DHX57: variants seen among roughly 807,000 people sequenced by gnomAD.
The protein encoded by DHX57 is DExH-box helicase 57.
Under a neutral mutation model 156.2 loss-of-function variants are expected in DHX57, and 105 were observed. The ratio of observed to expected loss-of-function variants is 0.67; its 90% CI spans 0.57 to 0.79. DHX57 has a LOEUF of 0.79. Among genes scored for constraint, DHX57 ranks in the 30% least tolerant of loss-of-function variants. DHX57 has a pLI of 0.00. For missense variants in DHX57, 1,847 were observed against 1,661.9 expected, an observed-to-expected ratio of 1.11 and a Z score of -1.94; for synonymous variants, 704 against 595.6, an observed-to-expected ratio of 1.18 and a Z score of -2.65.
At chr2:38,808,208 C>A (rs1670059628) in intron 21 of DHX57, among the ~76,000 whole-genome samples, 1 of 151,854 alleles carries the variant, frequency 6.6e-6, no homozygotes, top group Admixed American at 6.6e-5. Flanking sequence ...CCACCTCAGC[C>A]TCCCAAAGTG....
chr2:38,812,044 C>T (rs1287010578), intron 21 of DHX57, among the ~76,000 whole-genome samples: 1 of 152,136 alleles, frequency 6.6e-6, no homozygotes, highest in African/African-American at 2.4e-5. Context: ...TAGGCATGAG[C>T]CAATGCTCCT....
intron 9 of DHX57, among the ~76,000 whole-genome samples, 170 bp from the exon 10 acceptor site, chr2:38,848,572 C>G (rs566989487): frequency 6.6e-6 from 1 of 151,310 alleles, no homozygotes; most frequent in African/African-American, 2.4e-5. Context: ...CTTACTATTA[C>G]AGGTTGAATA....
chr2:38,843,233 G>T, intron 11 of DHX57, 23 bp from the exon 12 acceptor site: 1 of 1,611,550 alleles, frequency 6.2e-7, no homozygotes, highest in South Asian at 1.1e-5. Flanking sequence ...AAGGAATGTG[G>T]TTGTGTGTAT....
chr2:38,856,489 T>C, intron 6 of DHX57, 28 bp from the exon 7 acceptor site: 4 of 1,565,310 alleles, frequency 2.6e-6, no homozygotes, highest in Non-Finnish European at 3.4e-6. Flanking sequence ...AAGATATCAG[T>C]TGGGTTACTT....
chr2:38,820,262 G>A (rs1200810613), intron 17 of DHX57, among the ~76,000 whole-genome samples: 1 of 152,066 alleles, frequency 6.6e-6, no homozygotes, highest in Non-Finnish European at 1.5e-5. Flanking sequence ...TGTTTACAGA[G>A]TCCAGCAAAG....
intron 22 of DHX57, among the ~76,000 whole-genome samples, chr2:38,803,431 C>A (rs1443648933): frequency 6.6e-6 from 1 of 152,126 alleles, no homozygotes; most frequent in Non-Finnish European, 1.5e-5. Flanking sequence ...GTCTAGTCAG[C>A]TCTCTTTTCA....
At chr2:38,848,429 G>A (rs767487804) in intron 9 of DHX57, 27 bp from the exon 10 acceptor site, 4 of 1,556,412 alleles carry the variant, frequency 2.6e-6, no homozygotes, top group Middle Eastern at 1.7e-4. Flanking sequence ...AAACACCTGA[G>A]GATCAAACAA....
chr2:38,813,714 C>G, intron 21 of DHX57, 107 bp downstream of exon 21: 2 of 1,309,750 alleles, frequency 1.5e-6, no homozygotes, highest in Non-Finnish European at 1.1e-6. Flanking sequence ...TGTGTGCACA[C>G]ATGCGTATAT....
rs376074507 is a variant in DHX57, at chr2:38,858,640, C to A, written c.1587+21G>T. ...CAGATATTAGGGAGGCAACGTTACTCATTCTCTCAGCATACCCTACCTGTT... is the reference window on the plus strand; with the variant it reads ...CAGATATTAGGGAGGCAACGTTACTAATTCTCTCAGCATACCCTACCTGTT... On this transcript the variant is annotated intron_variant, in intron 6 of 23. Transcript: ENST00000457308. 9 of 1,596,900 alleles carry A rather than the reference C, an allele frequency of 5.6e-6. No homozygotes were observed. The South Asian group carries it at 1.0e-4, about 18-fold the overall frequency.
Position 38,861,385 on chromosome 2 carries a change from T to C in DHX57, c.1025A>G (p.His342Arg), listed in dbSNP as rs1037135080. 7 of 1,613,946 alleles carry C rather than the reference T, an allele frequency of 4.3e-6. No homozygotes were observed. The highest frequency in any genetic ancestry group is 5.9e-6 in the Non-Finnish European group (7 of 1,179,958). The change falls in exon 5 of 24, where the codon CAT becomes CGT. Residue 342 changes from histidine to arginine, a missense_variant. His to Arg is a conservative substitution (Grantham distance 29). Coordinates refer to ENST00000457308, the MANE Select transcript of DHX57 (RefSeq NM_198963.3). The part of the protein sequence containing the change: ...GRIERSVDDS[H>R]LNAIEDASFL... ...AGATGCATCTTCAATAGCATTAAGA[T>C]GAGAATCATCTACACTTCTTTCTAT...
At chr2:38,801,720 G>T (rs1035558812) in intron 23 of DHX57, among the ~76,000 whole-genome samples, 4 of 152,100 alleles carry the variant, frequency 2.6e-5, no homozygotes, top group Admixed American at 6.6e-5. Context: ...TCAGCATCCT[G>T]AATAGCTGGG....
chr2:38,818,569 T>A (rs1475158248), intron 19 of DHX57, among the ~76,000 whole-genome samples: 2 of 151,820 alleles, frequency 1.3e-5, no homozygotes, highest in African/African-American at 4.8e-5. Context: ...TGAAAAAGAA[T>A]CCCTGGTGTA....
chr2:38,863,588 T>C lies in DHX57; in HGVS notation c.225-69A>G, dbSNP rs528902334. 4.8e-6 allele frequency: 7 copies of C among 1,449,998 alleles called. No homozygotes were observed. In the East Asian group the frequency reaches 1.4e-4, roughly 28 times the overall value. The allele number at this position is 1,449,998 out of a possible 1,614,324, so 89.8% of individuals were successfully genotyped here. A position where few individuals can be genotyped will look rare whatever the true frequency, so the allele number is the denominator to read the frequency against. ...AGAACTTTTACACTCTCCTCAGGGG[T>C]CCCCAGATATACACAATACAAACTG... On this transcript the variant is annotated intron_variant, in intron 2 of 23. Coordinates refer to ENST00000457308, the MANE Select transcript of DHX57 (RefSeq NM_198963.3).
intron 14 of DHX57, among the ~76,000 whole-genome samples, chr2:38,827,950 G>T (rs376399719): frequency 1.4e-4 from 22 of 152,162 alleles, no homozygotes; most frequent in South Asian, 1.0e-3. Flanking sequence ...TCTGCCTCCC[G>T]GGTTCAAGCT....
At chr2:38,835,990 T>C (rs1411866956) in intron 13 of DHX57, among the ~76,000 whole-genome samples, 1 of 152,154 alleles carries the variant, frequency 6.6e-6, no homozygotes, top group African/African-American at 2.4e-5. Context: ...TTGATGGAGA[T>C]GAGTGCTTCT....
At chr2:38,821,410 A>G (rs1670809036) in intron 17 of DHX57, among the ~76,000 whole-genome samples, 1 of 152,046 alleles carries the variant, frequency 6.6e-6, no homozygotes, top group Admixed American at 6.6e-5. Flanking sequence ...AAAATTAATA[A>G]AACTGCCAGG....
chr2:38,800,207 A>G (rs1004416936), intron 23 of DHX57, among the ~76,000 whole-genome samples: 1 of 133,864 alleles, frequency 7.5e-6, no homozygotes, highest in Non-Finnish European at 1.6e-5. Context: ...AAAAAAAAAT[A>G]GCCGGGCTTG....
In DHX57 at chr2:38,863,632, A is replaced by G. The variant is rs559505804; in HGVS notation, c.225-113T>C. 72 of 955,136 alleles carry G rather than the reference A, an allele frequency of 7.5e-5. No homozygotes were observed. In the African/African-American group the frequency reaches 9.2e-4, roughly 12 times the overall value. The allele number at this position is 955,136 out of a possible 1,614,324, so 59.2% of individuals were successfully genotyped here. A position where few individuals can be genotyped will look rare whatever the true frequency, so the allele number is the denominator to read the frequency against. On this transcript the variant is annotated intron_variant, in intron 2 of 23. Transcript: ENST00000457308. ...CAAACTGGATTGTCAAGTATCTTACAAAAGATGACAATGAATGTGAGGAGA... is the reference window on the plus strand; with the variant it reads ...CAAACTGGATTGTCAAGTATCTTACGAAAGATGACAATGAATGTGAGGAGA...
At position 38,861,213 on chromosome 2, in the gene DHX57, T is replaced by TGACTTTATGACAA. The variant is rs1558402156; in HGVS notation, c.1196_1197insTTGTCATAAAGTC (p.Phe400CysfsTer38). 1 of 1,614,122 alleles carries TGACTTTATGACAA rather than the reference T, an allele frequency of 6.2e-7. No homozygotes were observed. Among genetic ancestry groups the TGACTTTATGACAA allele is most frequent in the Admixed American group, 1.7e-5 (1 of 60,022 alleles). ...CGACAGGTTCCGAAGTTTCCGCAAA[T>TGACTTTATGACAA]GTCAAGGCCTTGTCATAAAGAAACT... On this transcript the variant is annotated frameshift_variant, in exon 5 of 24. Coordinates refer to ENST00000457308, the MANE Select transcript of DHX57 (RefSeq NM_198963.3). LOFTEE classifies it high-confidence loss of function.
Sources: allele counts gnomAD v4.1 joint callset (sites outside exome capture counted in the v4.1 genomes callset), GRCh38; gene constraint gnomAD v4.1.1; transcripts MANE v1.5; gene names NCBI Gene and HGNC (gene_info 2026-07-23, HGNC 2026-07-21).